Variants in ATOH1 observed in about 807,000 individuals in gnomAD.
The protein encoded by ATOH1 is atonal bHLH transcription factor 1.
A neutral mutation model predicts 20.7 loss-of-function variants in ATOH1; 9 were observed. That is an observed-to-expected ratio of 0.44 (90% CI 0.26 to 0.76). The LOEUF (loss-of-function observed/expected upper bound fraction) is 0.76. Among genes scored for constraint, ATOH1 ranks in the 30% least tolerant of loss-of-function variants. The pLI is 0.20. For missense variants in ATOH1, 516 were observed against 479.3 expected (o/e 1.08, Z -0.71); for synonymous variants, 247 against 214.3 (o/e 1.15, Z -1.33).
Position 93,830,762 on chromosome 4 carries a change from A to G in ATOH1, c.*771A>G, listed in dbSNP as rs1008606720. On this transcript the variant is annotated 3_prime_UTR_variant, in exon 1 of 1. Transcript: ENST00000306011. Reference sequence around the variant, plus strand: ...AAAAATGAAAAATTAAAAAAAATCTAGTAGTGTCAAACGCATTTGGTCAAT... The same window carrying G: ...AAAAATGAAAAATTAAAAAAAATCTGGTAGTGTCAAACGCATTTGGTCAAT... The G allele has an allele frequency of 3.0e-5, 5 of 167,092 alleles. 1 individual carries two copies. Among genetic ancestry groups the G allele is most frequent in the South Asian group, 4.1e-4 (2 of 4,824 alleles). The allele number at this position is 167,092 out of a possible 1,614,324, so 10.4% of individuals were successfully genotyped here.
In ATOH1 at chr4:93,829,846, C is replaced by A. The variant is rs1437735330; in HGVS notation, c.920C>A (p.Ala307Glu). The A allele has an allele frequency of 1.9e-6, 3 of 1,614,066 alleles. No individual in the cohort carries two copies. The highest frequency in any genetic ancestry group is 1.3e-5 in the African/African-American group (1 of 75,062). ...FEDSALTAMM[A>E]QKNLSPSLPG... ...GACAGCGCCCTGACAGCGATGATGGCGCAAAAGAATTTGTCTCCTTCTCTC... is the reference window on the plus strand; with the variant it reads ...GACAGCGCCCTGACAGCGATGATGGAGCAAAAGAATTTGTCTCCTTCTCTC... The change falls in exon 1 of 1, where the codon GCG (alanine) becomes GAG (glutamate). Residue 307 changes from alanine to glutamate, a missense_variant. Transcript: ENST00000306011. The surrounding 1 kb of genome is among the most constrained non-coding windows in gnomAD (Gnocchi z 4.5).
chr4:93,828,978 G>T lies in ATOH1; in HGVS notation c.52G>T (p.Asp18Tyr), dbSNP rs1234971352. 2 of 1,612,238 alleles carry T rather than the reference G, an allele frequency of 1.2e-6. No homozygotes were observed. The highest frequency in any genetic ancestry group is 2.2e-5 in the East Asian group (1 of 44,866). The change falls in exon 1 of 1, where the codon GAC becomes TAC. Residue 18 changes from aspartate (D) to tyrosine (Y), a missense_variant. Transcript: ENST00000306011. ...GTGGGCTGAAGTGAAGGAGTTGGGA[G>T]ACCACCATCGCCAGCCCCAGCCGCA... ...EEWAEVKELG[D>Y]HHRQPQPHHL... is the part of the protein sequence containing the mutation.
Position 93,829,298 on chromosome 4 carries a change from G to C in ATOH1, c.372G>C (p.Val124=). 1 of 1,612,454 alleles carries C rather than the reference G, an allele frequency of 6.2e-7. No individual in the cohort carries two copies. Among genetic ancestry groups the C allele is most frequent in the East Asian group, 2.2e-5 (1 of 44,840 alleles). ...GCAAGAGCCCCGGGCCGGTGAAAGT[G>C]CGGGAACAGCTGTGCAAGCTGAAAG... ...SSSKSPGPVK[V]REQLCKLKGG... is the part of the protein sequence containing the mutation. The change falls in exon 1 of 1, where the codon GTG becomes GTC. Residue 124 remains valine (V), a synonymous_variant. Coordinates refer to ENST00000306011, the MANE Select transcript of ATOH1 (RefSeq NM_005172.2). This position sits in a 1 kb window ranked among gnomAD's most constrained non-coding sequence, Gnocchi z 4.5.
rs767718503 is a variant in ATOH1 at position 93,829,389 on chromosome 4, G to A, written c.463G>A (p.Gly155Arg). The A allele has an allele frequency of 1.9e-6, 3 of 1,614,226 alleles. No homozygotes were observed. The South Asian group carries it at 3.3e-5, about 18-fold the overall frequency. ...GGCCCCTTCCAGCAAACAGGTGAAT[G>A]GGGTGCAGAAGCAGAGACGGCTAGC... is the stretch of plus-strand genomic sequence containing the variant. ...QRAPSSKQVN[G>R]VQKQRRLAAN... The change falls in exon 1 of 1, where the codon GGG (glycine) becomes AGG (arginine). Residue 155 changes from glycine (G) to arginine (R), a missense_variant. Coordinates refer to ENST00000306011, the MANE Select transcript of ATOH1 (RefSeq NM_005172.2). This position sits in a 1 kb window ranked among gnomAD's most constrained non-coding sequence, Gnocchi z 4.5.
Position 93,829,532 on chromosome 4 carries a change from G to A in ATOH1, c.606G>A (p.Gln202=), listed in dbSNP as rs1157297508. 6.2e-7 allele frequency: 1 copy of A among 1,614,146 alleles called. No homozygotes were observed. The highest frequency in any genetic ancestry group is 1.3e-5 in the African/African-American group (1 of 74,952). ...AGCTGTCCAAATATGAGACCCTGCA[G>A]ATGGCCCAAATCTACATCAACGCCT... ...DKKLSKYETL[Q]MAQIYINALS... is the part of the protein sequence containing the mutation. The change falls in exon 1 of 1, where the codon CAG becomes CAA. Residue 202 remains glutamine, a synonymous_variant. Transcript: ENST00000306011. This position sits in a 1 kb window ranked among gnomAD's most constrained non-coding sequence, Gnocchi z 4.5.
chr4:93,829,341 G>C lies in ATOH1; in HGVS notation c.415G>C (p.Glu139Gln), dbSNP rs769357921. 1.8e-5 allele frequency: 29 copies of C among 1,613,928 alleles called. No individual in the cohort carries two copies. The highest frequency in any genetic ancestry group is 2.3e-5 in the Non-Finnish European group (27 of 1,179,996). ...CKLKGGVVVD[E>Q]LGCSRQRAPS... ...GCTGAAAGGCGGGGTGGTGGTAGAC[G>C]AGCTGGGCTGCAGCCGCCAACGGGC... The change falls in exon 1 of 1, where the codon GAG becomes CAG. Residue 139 changes from glutamate (E) to glutamine (Q), a missense_variant. Glu to Gln is a conservative substitution (Grantham distance 29). Transcript: ENST00000306011. The surrounding 1 kb of genome is among the most constrained non-coding windows in gnomAD (Gnocchi z 4.5).
chr4:93,830,243 C>T lies in ATOH1; in HGVS notation c.*252C>T, dbSNP rs1446784442. ...AAATTGTGTCCTTTCCGCCCACCTT[C>T]TGCTCCCCCTTTAGATAGATACGGT... is the stretch of plus-strand genomic sequence containing the variant. On this transcript the variant is annotated 3_prime_UTR_variant, in exon 1 of 1. Coordinates refer to ENST00000306011, the MANE Select transcript of ATOH1 (RefSeq NM_005172.2). 1.5e-6 allele frequency: 1 copy of T among 655,646 alleles called. No individual in the cohort carries two copies. The highest frequency in any genetic ancestry group is 2.3e-6 in the Non-Finnish European group (1 of 429,104). 40.6% of individuals were successfully genotyped at this position (655,646 alleles called of 1,614,324 possible).
Position 93,829,889 on chromosome 4 carries a change from G to T in ATOH1, c.963G>T (p.Gln321His), listed in dbSNP as rs751008859. The T allele has an allele frequency of 6.8e-6, 11 of 1,614,082 alleles. No individual in the cohort carries two copies. The highest frequency in any genetic ancestry group is 9.3e-6 in the Non-Finnish European group (11 of 1,180,048). Residue 321 changes from glutamine to histidine, a missense_variant, in exon 1 of 1, where the codon CAG (glutamine) becomes CAT (histidine). Physicochemically the swap from Gln to His is conservative, Grantham distance 24 (BLOSUM62 0). Coordinates refer to ENST00000306011, the MANE Select transcript of ATOH1 (RefSeq NM_005172.2). The surrounding 1 kb of genome is among the most constrained non-coding windows in gnomAD (Gnocchi z 4.5). The stretch of plus-strand genomic sequence containing the variant: ...CTTCTCTCCCCGGGAGCATCTTGCA[G>T]CCAGTGCAGGAGGAAAACAGCAAAA... ...LSPSLPGSIL[Q>H]PVQEENSKTS...
Position 93,829,497 on chromosome 4 carries a change from A to G in ATOH1, c.571A>G (p.Asn191Asp). The G allele has an allele frequency of 1.2e-6, 2 of 1,614,252 alleles. No homozygotes were observed. The highest frequency in any genetic ancestry group is 1.7e-6 in the Non-Finnish European group (2 of 1,180,042). ...QLRNVIPSFN[N>D]DKKLSKYETL... ...GCGCAATGTTATCCCGTCGTTCAAC[A>G]ACGACAAGAAGCTGTCCAAATATGA... The change falls in exon 1 of 1, where the codon AAC (asparagine) becomes GAC (aspartate). Residue 191 changes from asparagine (N) to aspartate (D), a missense_variant. Transcript: ENST00000306011. The surrounding 1 kb of genome is among the most constrained non-coding windows in gnomAD (Gnocchi z 4.5).
rs1394196657 is a variant in ATOH1 at position 93,829,646 on chromosome 4, C to G, written c.720C>G (p.Thr240=). The G allele has an allele frequency of 3.1e-6, 5 of 1,599,776 alleles. No homozygotes were observed. Among genetic ancestry groups the G allele is most frequent in the African/African-American group, 1.3e-5 (1 of 74,480 alleles). ...AAAGCGACCACCACCACCTTCGCAC[C>G]GCGGCCTCCTATGAAGGGGGCGCGG... ...SCKSDHHHLR[T]AASYEGGAGN... The change falls in exon 1 of 1, where the codon ACC becomes ACG. Residue 240 remains threonine, a synonymous_variant. Coordinates refer to ENST00000306011, the MANE Select transcript of ATOH1 (RefSeq NM_005172.2). This position sits in a 1 kb window ranked among gnomAD's most constrained non-coding sequence, Gnocchi z 4.5.
rs770498732 is a variant in ATOH1 at position 93,829,361 on chromosome 4, A to G, written c.435A>G (p.Gln145=). ...VVVDELGCSR[Q]RAPSSKQVNG... ...TAGACGAGCTGGGCTGCAGCCGCCA[A>G]CGGGCCCCTTCCAGCAAACAGGTGA... is the stretch of plus-strand genomic sequence containing the variant. The change falls in exon 1 of 1, where the codon CAA becomes CAG. Residue 145 remains glutamine (Q), a synonymous_variant. Coordinates refer to ENST00000306011, the MANE Select transcript of ATOH1 (RefSeq NM_005172.2). The surrounding 1 kb of genome is among the most constrained non-coding windows in gnomAD (Gnocchi z 4.5). 7 of 1,614,040 alleles carry G rather than the reference A, an allele frequency of 4.3e-6. No homozygotes were observed. The African/African-American group carries it at 6.7e-5, about 15-fold the overall frequency.
At position 93,829,718 on chromosome 4, in the gene ATOH1, G is replaced by C. The variant is rs1223293654; in HGVS notation, c.792G>C (p.Gln264His). 6 of 1,571,806 alleles carry C rather than the reference G, an allele frequency of 3.8e-6. No individual in the cohort carries two copies. The highest frequency in any genetic ancestry group is 5.2e-6 in the Non-Finnish European group (6 of 1,160,730). The part of the protein sequence containing the change: ...AGAQQASGGS[Q>H]RPTPPGSCRT... ...CTCAGCAGGCTTCCGGAGGGAGCCA[G>C]CGGCCGACCCCGCCCGGGAGTTGCC... The change falls in exon 1 of 1, where the codon CAG (glutamine) becomes CAC (histidine). Residue 264 changes from glutamine (Q) to histidine (H), a missense_variant. Coordinates refer to ENST00000306011, the MANE Select transcript of ATOH1 (RefSeq NM_005172.2). This position sits in a 1 kb window ranked among gnomAD's most constrained non-coding sequence, Gnocchi z 4.5.
In ATOH1 at chr4:93,829,863, C is replaced by G. The variant is rs1472903204; in HGVS notation, c.937C>G (p.Pro313Ala). Residue 313 changes from proline (P) to alanine (A), a missense_variant, in exon 1 of 1, where the codon CCT (proline) becomes GCT (alanine). By Grantham distance (27) the Pro-to-Ala change is conservative (BLOSUM62 -1). Transcript: ENST00000306011. This position sits in a 1 kb window ranked among gnomAD's most constrained non-coding sequence, Gnocchi z 4.5. ...GATGATGGCGCAAAAGAATTTGTCTCCTTCTCTCCCCGGGAGCATCTTGCA... is the reference window on the plus strand; with the variant it reads ...GATGATGGCGCAAAAGAATTTGTCTGCTTCTCTCCCCGGGAGCATCTTGCA... ...TAMMAQKNLS[P>A]SLPGSILQPV... The G allele has an allele frequency of 1.2e-6, 2 of 1,613,990 alleles. No homozygotes were observed. The highest frequency in any genetic ancestry group is 1.7e-6 in the Non-Finnish European group (2 of 1,180,046).
At position 93,829,368 on chromosome 4, in the gene ATOH1, C is replaced by G; in HGVS notation, c.442C>G (p.Pro148Ala). 1 of 1,614,182 alleles carries G rather than the reference C, an allele frequency of 6.2e-7. No homozygotes were observed. The highest frequency in any genetic ancestry group is 8.5e-7 in the Non-Finnish European group (1 of 1,180,030). Residue 148 changes from proline (P) to alanine (A), a missense_variant, in exon 1 of 1, where the codon CCT (proline) becomes GCT (alanine). By Grantham distance (27) the Pro-to-Ala change is conservative. Coordinates refer to ENST00000306011, the MANE Select transcript of ATOH1 (RefSeq NM_005172.2). The surrounding 1 kb of genome is among the most constrained non-coding windows in gnomAD (Gnocchi z 4.5). The stretch of plus-strand genomic sequence containing the variant: ...GCTGGGCTGCAGCCGCCAACGGGCC[C>G]CTTCCAGCAAACAGGTGAATGGGGT... ...DELGCSRQRA[P>A]SSKQVNGVQK...
rs1735403985 is a variant in ATOH1, at chr4:93,829,666, G to A, written c.740G>A (p.Gly247Asp). ...CGCACCGCGGCCTCCTATGAAGGGG[G>A]CGCGGGCAACGCGACCGCAGCTGGG... ...HLRTAASYEG[G>D]AGNATAAGAQ... The change falls in exon 1 of 1, where the codon GGC becomes GAC. Residue 247 changes from glycine to aspartate, a missense_variant. By Grantham distance (94) the Gly-to-Asp change is moderately conservative (BLOSUM62 -1). Coordinates refer to ENST00000306011, the MANE Select transcript of ATOH1 (RefSeq NM_005172.2). The surrounding 1 kb of genome is among the most constrained non-coding windows in gnomAD (Gnocchi z 4.5). 1.4e-5 allele frequency: 22 copies of A among 1,577,822 alleles called. No individual in the cohort carries two copies. The highest frequency in any genetic ancestry group is 1.9e-5 in the Non-Finnish European group (22 of 1,163,324).
chr4:93,830,207 A>C lies in ATOH1; in HGVS notation c.*216A>C. On this transcript the variant is annotated 3_prime_UTR_variant, in exon 1 of 1. Coordinates refer to ENST00000306011, the MANE Select transcript of ATOH1 (RefSeq NM_005172.2). ...CTACGGTCCATATTGTTTGATGAAAACTTTCTGTTAAAATTGTGTCCTTTC... is the reference window on the plus strand; with the variant it reads ...CTACGGTCCATATTGTTTGATGAAACCTTTCTGTTAAAATTGTGTCCTTTC... The C allele has an allele frequency of 9.5e-7, 1 of 1,058,200 alleles. No individual in the cohort carries two copies. The highest frequency in any genetic ancestry group is 3.0e-5 in the East Asian group (1 of 33,270). The allele number at this position is 1,058,200 out of a possible 1,614,324, so 65.6% of individuals were successfully genotyped here.
In ATOH1 at chr4:93,829,017, C is replaced by T. The variant is rs1449572386; in HGVS notation, c.91C>T (p.Pro31Ser). Residue 31 changes from proline (P) to serine (S), a missense_variant, in exon 1 of 1, where the codon CCG (proline) becomes TCG (serine). Pro to Ser is a moderately conservative substitution (Grantham distance 74). Coordinates refer to ENST00000306011, the MANE Select transcript of ATOH1 (RefSeq NM_005172.2). The surrounding 1 kb of genome is among the most constrained non-coding windows in gnomAD (Gnocchi z 4.5). ...GCCCCAGCCGCATCATCTCCCGCAA[C>T]CGCCGCCGCCGCCGCAGCCACCTGC... is the stretch of plus-strand genomic sequence containing the variant. ...RQPQPHHLPQ[P>S]PPPPQPPATL... The T allele has an allele frequency of 2.5e-6, 4 of 1,608,152 alleles. No homozygotes were observed. Among genetic ancestry groups the T allele is most frequent in the East Asian group, 2.2e-5 (1 of 44,716 alleles).
At position 93,829,588 on chromosome 4, in the gene ATOH1, G is replaced by A. The variant is rs1250650094; in HGVS notation, c.662G>A (p.Gly221Glu). The A allele has an allele frequency of 6.2e-7, 1 of 1,614,024 alleles. No homozygotes were observed. The highest frequency in any genetic ancestry group is 1.7e-5 in the Admixed American group (1 of 60,026). ...GAGCTGCTACAAACGCCCAGCGGAGGGGAACAGCCACCGCCGCCTCCAGCC... is the reference window on the plus strand; with the variant it reads ...GAGCTGCTACAAACGCCCAGCGGAGAGGAACAGCCACCGCCGCCTCCAGCC... ...LSELLQTPSG[G>E]EQPPPPPASC... Residue 221 changes from glycine (G) to glutamate (E), a missense_variant, in exon 1 of 1, where the codon GGG (glycine) becomes GAG (glutamate). Physicochemically the swap from Gly to Glu is moderately conservative, Grantham distance 98. Transcript: ENST00000306011. This position sits in a 1 kb window ranked among gnomAD's most constrained non-coding sequence, Gnocchi z 4.5.
chr4:93,830,278 G>A lies in ATOH1; in HGVS notation c.*287G>A. ...TTTAGATAGATACGGTATAATTGTAGGTACCCGTATATGGCATCATTATTC... is the reference window on the plus strand; with the variant it reads ...TTTAGATAGATACGGTATAATTGTAAGTACCCGTATATGGCATCATTATTC... On this transcript the variant is annotated 3_prime_UTR_variant, in exon 1 of 1. Coordinates refer to ENST00000306011, the MANE Select transcript of ATOH1 (RefSeq NM_005172.2). The A allele has an allele frequency of 2.5e-6, 1 of 400,788 alleles. No homozygotes were observed. Among genetic ancestry groups the A allele is most frequent in the South Asian group, 7.0e-5 (1 of 14,330 alleles). 24.8% of individuals were successfully genotyped at this position (400,788 alleles called of 1,614,324 possible).
Sources: gnomAD v4.1 joint callset for allele counts on GRCh38, gnomAD v4.1.1 for gene constraint, Gnocchi (gnomAD v3.1) non-coding constraint, MANE v1.5 for transcripts, NCBI Gene and HGNC (gene_info 2026-07-23, HGNC 2026-07-21) for gene names.